The following PLIN2 variants were observed in gnomAD, a reference collection of about 807,000 sequenced individuals.
PLIN2 encodes the protein perilipin 2.
A neutral mutation model predicts 30.6 loss-of-function variants in PLIN2; 33 were observed. The ratio of observed to expected loss-of-function variants is 1.08; its 90% CI spans 0.82 to 1.44. The LOEUF (loss-of-function observed/expected upper bound fraction) is 1.44, where lower values mean the gene tolerates loss of function less well. Among genes scored for constraint, PLIN2 ranks in the 40% most tolerant of loss-of-function variants. The probability of loss-of-function intolerance (pLI) is 0.00; values close to 1 mark genes in which losing one functional copy is unlikely to be tolerated. For missense variants in PLIN2, 610 were observed against 531.8 expected, an observed-to-expected ratio of 1.15 and a Z score of -1.45; for synonymous variants, 205 against 201.1, an observed-to-expected ratio of 1.02 and a Z score of -0.16.
downstream of PLIN2, among the ~76,000 whole-genome samples, chr9:19,110,765 C>T (rs1362860893): frequency 2.0e-5 from 3 of 152,096 alleles, no homozygotes; most frequent in African/African-American, 4.8e-5. Context: ...CATGAGCTAC[C>T]GTGCCCAGCC....
intron 2 of PLIN2, among the ~76,000 whole-genome samples, chr9:19,109,079 T>C (rs1215460206): frequency 6.6e-6 from 1 of 152,208 alleles, no homozygotes; most frequent in Non-Finnish European, 1.5e-5. Context: ...TAAGCAAGTG[T>C]CTAGGCAAAT....
At position 19,121,146 on chromosome 9, in the gene PLIN2, C is replaced by A. The variant is rs776537222; in HGVS notation, c.329G>T (p.Gly110Val). The A allele has an allele frequency of 6.2e-7, 1 of 1,614,002 alleles. No individual in the cohort carries two copies. Among genetic ancestry groups the A allele is most frequent in the Non-Finnish European group, 8.5e-7 (1 of 1,179,942 alleles). ...AGCATCTTTTGCCCCAGTCACAGCG[C>A]CTTTGGCATTGGCAACAATCTGTAA... ...PSTQIVANAK[G>V]AVTGAKDAVT... Residue 110 changes from glycine (G) to valine (V), a missense_variant, in exon 5 of 8, where the codon GGC becomes GTC. By Grantham distance (109) the Gly-to-Val change is moderately radical (BLOSUM62 -3). Transcript: ENST00000276914.
At position 19,122,463 on chromosome 9, in the gene PLIN2, C is replaced by T. The variant is rs1228125388; in HGVS notation, c.309+1102G>A. Among the ~76,000 whole-genome samples, 6 of 151,542 alleles carry T rather than the reference C, an allele frequency of 4.0e-5. No individual in the cohort carries two copies. In the East Asian group the frequency reaches 1.2e-3, roughly 29 times the overall value. ...TAGTCATGCTGTGCAGGTTTGTAGC[C>T]TAGAAGCAAGCAACAGGCTATATAC... is the stretch of plus-strand genomic sequence containing the variant. On this transcript the variant is annotated intron_variant, in intron 4 of 7. Coordinates refer to ENST00000276914, the MANE Select transcript of PLIN2 (RefSeq NM_001122.4).
In PLIN2 at chr9:19,116,627, G is replaced by C. The variant is rs770927693; in HGVS notation, c.935C>G (p.Ala312Gly). Residue 312 changes from alanine to glycine, a missense_variant, in exon 8 of 8, where the codon GCA (alanine) becomes GGA (glycine). Coordinates refer to ENST00000276914, the MANE Select transcript of PLIN2 (RefSeq NM_001122.4). The stretch of plus-strand genomic sequence containing the variant: ...CTGCTGAGTCAGGTTGCGGGCAATT[G>C]CAAGAGTACGTGACTCAATGTGCTA... ...CAEHIESRTL[A>G]IARNLTQQLQ... 5 of 1,613,300 alleles carry C rather than the reference G, an allele frequency of 3.1e-6. No homozygotes were observed. In the South Asian group the frequency reaches 5.5e-5, roughly 18 times the overall value.
chr9:19,115,990 C>A lies in PLIN2; in HGVS notation c.*258G>T. 2.8e-6 allele frequency: 1 copy of A among 356,922 alleles called. No homozygotes were observed. The highest frequency in any genetic ancestry group is 5.1e-6 in the Non-Finnish European group (1 of 197,666). 22.1% of individuals were successfully genotyped at this position (356,922 alleles called of 1,614,324 possible). ...CAACACAATGGCCATAGAATGAGAA[C>A]ATAAGTGCATTTGAATTTTTTCTGA... On this transcript the variant is annotated 3_prime_UTR_variant, in exon 8 of 8. Coordinates refer to ENST00000276914, the MANE Select transcript of PLIN2 (RefSeq NM_001122.4).
intron 7 of PLIN2, among the ~76,000 whole-genome samples, chr9:19,117,621 C>CTT (rs756616642): frequency 1.5e-5 from 2 of 137,434 alleles, no homozygotes; most frequent in Admixed American, 7.3e-5. Context: ...CATATGTTTT[C>CTT]TTTTTTTTTT....
rs1003644482 is a variant in PLIN2, at chr9:19,126,696, G to A, written c.-22-248C>T. On this transcript the variant is annotated intron_variant, in intron 1 of 7. Transcript: ENST00000276914. Reference sequence around the variant, plus strand: ...GTAAACTTGCAATACTCAGGAGGGAGAAGTAAAGTTGTTGACATACTTCTC... The same window carrying A: ...GTAAACTTGCAATACTCAGGAGGGAAAAGTAAAGTTGTTGACATACTTCTC... Among the ~76,000 whole-genome samples, 30 of 152,202 alleles carry A rather than the reference G, an allele frequency of 2.0e-4. 1 individual carries two copies. Among genetic ancestry groups the A allele is most frequent in the Non-Finnish European group, 1.5e-5 (1 of 68,042 alleles).
At chr9:19,115,061 G>T (rs914685890), downstream of PLIN2, among the ~76,000 whole-genome samples, 2 of 152,130 alleles carry the variant, frequency 1.3e-5, no homozygotes, top group African/African-American at 4.8e-5. Flanking sequence ...GCCTTTACAT[G>T]ATGCTGATTT....
At chr9:19,119,194 T>C (rs1412717094) in intron 6 of PLIN2, among the ~76,000 whole-genome samples, 1 of 152,222 alleles carries the variant, frequency 6.6e-6, no homozygotes, top group East Asian at 1.9e-4. Context: ...TATTGTGATA[T>C]ATCAATTTAA....
chr9:19,110,932 C>T (rs540450577), downstream of PLIN2, among the ~76,000 whole-genome samples: 1 of 152,176 alleles, frequency 6.6e-6, no homozygotes, highest in Non-Finnish European at 1.5e-5. Flanking sequence ...CTCTAATCTG[C>T]AGGCCCAGTT....
Position 19,118,330 on chromosome 9 carries a change from G to C in PLIN2, c.903C>G (p.His301Gln), listed in dbSNP as rs758803039. ...GTCCCAGTCATCTTACCTCAGCACA[G>C]TGGGACTCATCAGTATCATCATATC... Reference protein sequence around the residue: ...SIGYDDTDESHCAEHIESRTL... With the variant: ...SIGYDDTDESQCAEHIESRTL... The change falls in exon 7 of 8, where the codon CAC becomes CAG. Residue 301 changes from histidine (H) to glutamine (Q), a missense_variant. Transcript: ENST00000276914. 8.1e-6 allele frequency: 13 copies of C among 1,612,020 alleles called. No homozygotes were observed. Among genetic ancestry groups the C allele is most frequent in the Non-Finnish European group, 1.0e-5 (12 of 1,179,218 alleles).
At position 19,126,326 on chromosome 9, in the gene PLIN2, G is replaced by T; in HGVS notation, c.31-17C>A. 1 of 1,613,558 alleles carries T rather than the reference G, an allele frequency of 6.2e-7. No individual in the cohort carries two copies. The highest frequency in any genetic ancestry group is 1.7e-5 in the Admixed American group (1 of 60,014). On this transcript the variant is annotated splice_polypyrimidine_tract_variant and intron_variant, in intron 2 of 7. Coordinates refer to ENST00000276914, the MANE Select transcript of PLIN2 (RefSeq NM_001122.4). ...CACCACACTCTGCAATCAAAGTAGG[G>T]AGGGTATGCTTATTAATCTCTCAAA...
At chr9:19,122,836 C>A (rs941132484) in intron 4 of PLIN2, among the ~76,000 whole-genome samples, 1 of 152,128 alleles carries the variant, frequency 6.6e-6, no homozygotes, top group Admixed American at 6.6e-5. Flanking sequence ...ACACCACCCA[C>A]CCCCTGCTGG....
At position 19,116,530 on chromosome 9, in the gene PLIN2, C is replaced by T. The variant is rs780947425; in HGVS notation, c.1032G>A (p.Lys344=). 1.2e-6 allele frequency: 2 copies of T among 1,614,156 alleles called. No homozygotes were observed. The highest frequency in any genetic ancestry group is 1.7e-6 in the Non-Finnish European group (2 of 1,180,032). The change falls in exon 8 of 8, where the codon AAG becomes AAA. Residue 344 remains lysine (K), a synonymous_variant. Transcript: ENST00000276914. ...GVPQNIQDQA[K]HMGVMAGDIY... is the part of the protein sequence containing the mutation. ...TGTCGCCTGCCATCACCCCCATGTG[C>T]TTGGCTTGATCTTGGATGTTCTGTG...
intron 3 of PLIN2, chr9:19,125,384 C>T (rs936855215): frequency 1.3e-5 from 2 of 152,130 alleles, no homozygotes; most frequent in African/African-American, 4.8e-5. Context: ...AAAACCCTGT[C>T]TCTACTAAAA....
intron 5 of PLIN2, among the ~76,000 whole-genome samples, chr9:19,120,263 C>G (rs1818294155): frequency 6.6e-6 from 1 of 151,922 alleles, no homozygotes; most frequent in Non-Finnish European, 1.5e-5. Context: ...GTTGCCCAGG[C>G]TAATCTCAAA....
rs770702478 is a variant in PLIN2, at chr9:19,121,003, C to T, written c.472G>A (p.Gly158Ser). 3.1e-6 allele frequency: 5 copies of T among 1,614,172 alleles called. No homozygotes were observed. Among genetic ancestry groups the T allele is most frequent in the Middle Eastern group, 1.6e-4 (1 of 6,062 alleles). The change falls in exon 5 of 8, where the codon GGC becomes AGC. Residue 158 changes from glycine (G) to serine (S), a missense_variant. Coordinates refer to ENST00000276914, the MANE Select transcript of PLIN2 (RefSeq NM_001122.4). Reference protein sequence around the residue: ...SVEKTKSVVSGSINTVLGSRM... With the variant: ...SVEKTKSVVSSSINTVLGSRM... ...CTCCCCAAGACTGTGTTAATGCTGCCACTGACCACAGACTTGGTCTTCTCC... is the reference window on the plus strand; with the variant it reads ...CTCCCCAAGACTGTGTTAATGCTGCTACTGACCACAGACTTGGTCTTCTCC...
In PLIN2 at chr9:19,126,415, A is replaced by C. The variant is rs1818400092; in HGVS notation, c.12T>G (p.Val4=). Residue 4 remains valine (V), a synonymous_variant, in exon 2 of 8, where the codon GTT becomes GTG. Transcript: ENST00000276914. Reference sequence around the variant, plus strand: ...TTCATACCGGTTGTGGATCAACTGCAACGGATGCCATTTTTCTTCCTGGAG... The same window carrying C: ...TTCATACCGGTTGTGGATCAACTGCCACGGATGCCATTTTTCTTCCTGGAG... MAS[V]AVDPQPSVVT... The C allele has an allele frequency of 1.2e-6, 2 of 1,613,132 alleles. No individual in the cohort carries two copies. Among genetic ancestry groups the C allele is most frequent in the African/African-American group, 2.7e-5 (2 of 74,912 alleles).
chr9:19,121,271 T>C (rs1818311172), intron 4 of PLIN2, 106 bp from the exon 5 acceptor site: 2 of 967,406 alleles, frequency 2.1e-6, no homozygotes. Context: ...AGAAGGAATC[T>C]AGTCCTCTCA....
Sources: allele counts gnomAD v4.1 joint callset (sites outside exome capture counted in the v4.1 genomes callset), GRCh38; gene constraint gnomAD v4.1.1; transcripts MANE v1.5; gene names NCBI Gene and HGNC (gene_info 2026-07-23, HGNC 2026-07-21).